Variants in GPM6A observed in about 807,000 individuals in gnomAD.
GPM6A encodes glycoprotein M6A.
In GPM6A, 7 loss-of-function variants were observed where a neutral mutation model predicts 32.1. The ratio of observed to expected loss-of-function variants is 0.22; its 90% CI spans 0.12 to 0.41. The LOEUF is 0.41. Ranked by LOEUF, GPM6A falls within the 10% of genes least tolerant of loss-of-function variation. The probability of loss-of-function intolerance (pLI) is 1.00; values close to 1 mark genes in which losing one functional copy is unlikely to be tolerated. For missense variants in GPM6A, 235 were observed against 347.2 expected (o/e 0.68, Z 2.57); for synonymous variants, 130 against 123.4 (o/e 1.05, Z -0.35).
At position 175,847,391 on chromosome 4, in the gene GPM6A, C is replaced by T. The variant is rs536622499; in HGVS notation, c.-22-35142G>A. On this transcript the variant is annotated intron_variant, in intron 1 of 7. Transcript: ENST00000280187. ...AACACACAATTCATAAGTTTTAAATCGTGCTGTGTTCTGAGTAGTGTAATG... is the reference window on the plus strand; with the variant it reads ...AACACACAATTCATAAGTTTTAAATTGTGCTGTGTTCTGAGTAGTGTAATG... 2.7e-4 allele frequency among the ~76,000 whole-genome samples: 41 copies of T among 152,220 alleles called. 1 individual carries two copies. The South Asian group carries it at 4.4e-3, about 16-fold the overall frequency.
chr4:175,832,529 C>T (rs979391355), intron 1 of GPM6A, among the ~76,000 whole-genome samples: 1 of 151,754 alleles, frequency 6.6e-6, no homozygotes, highest in East Asian at 1.9e-4. Flanking sequence ...TAAACGTTAT[C>T]TACCCACAGG....
intron 1 of GPM6A, among the ~76,000 whole-genome samples, chr4:175,708,294 G>T (rs374178601): frequency 6.6e-6 from 1 of 152,162 alleles, no homozygotes; most frequent in South Asian, 2.1e-4. Flanking sequence ...GAATAACTGT[G>T]ATGACATTTG....
chr4:175,721,080 C>A (rs1746101564), intron 1 of GPM6A, among the ~76,000 whole-genome samples: 1 of 136,376 alleles, frequency 7.3e-6, no homozygotes, highest in Admixed American at 7.7e-5. Context: ...ATTACTTTAG[C>A]TTTTCTAGTA....
At chr4:175,716,077 A>G (rs1745827521) in intron 1 of GPM6A, among the ~76,000 whole-genome samples, 1 of 152,202 alleles carries the variant, frequency 6.6e-6, no homozygotes, top group Non-Finnish European at 1.5e-5. Context: ...ACAAAAAAGA[A>G]TTTGTATTTT....
intron 1 of GPM6A, among the ~76,000 whole-genome samples, chr4:175,778,642 A>G (rs1477928245): frequency 1.3e-5 from 2 of 148,600 alleles, no homozygotes; most frequent in East Asian, 3.9e-4. Context: ...AAAAAAAAAA[A>G]AAAAAAAAGA....
At chr4:175,803,849 A>C (rs1167365320) in intron 1 of GPM6A, among the ~76,000 whole-genome samples, 1 of 152,166 alleles carries the variant, frequency 6.6e-6, no homozygotes, top group Non-Finnish European at 1.5e-5. Context: ...TGGTTTCTGA[A>C]TTCTAGATCT....
At chr4:175,727,098 T>C (rs1486769886) in intron 1 of GPM6A, among the ~76,000 whole-genome samples, 1 of 152,044 alleles carries the variant, frequency 6.6e-6, no homozygotes, top group Non-Finnish European at 1.5e-5. Context: ...AAATTGAAAA[T>C]GGTCAAATTG....
chr4:175,739,286 G>A (rs969295256), intron 1 of GPM6A, among the ~76,000 whole-genome samples: 3 of 152,000 alleles, frequency 2.0e-5, no homozygotes, highest in South Asian at 2.1e-4. Flanking sequence ...TATTTTTGCC[G>A]AAGAAATATA....
At position 175,659,994 on chromosome 4, in the gene GPM6A, G is replaced by A. The variant is rs558469312; in HGVS notation, c.388-8007C>T. On this transcript the variant is annotated intron_variant, in intron 3 of 6. Coordinates refer to ENST00000393658, the MANE Select transcript of GPM6A (RefSeq NM_201591.3). The stretch of plus-strand genomic sequence containing the variant: ...CTGTTCACAATAATACAGTATTGAC[G>A]TTAAATGTCATTTTTAAACTGACAA... Among the ~76,000 whole-genome samples, 28 of 152,164 alleles carry A rather than the reference G, an allele frequency of 1.8e-4. No homozygotes were observed. The South Asian group carries it at 4.6e-3, about 25-fold the overall frequency.
intron 2 of GPM6A, among the ~76,000 whole-genome samples, chr4:175,692,470 C>T (rs1452575215): frequency 1.3e-5 from 2 of 152,190 alleles, no homozygotes; most frequent in East Asian, 1.9e-4. Context: ...TGAACATATG[C>T]TTACAAGCTA....
intron 2 of GPM6A, among the ~76,000 whole-genome samples, chr4:175,700,293 A>G (rs1744806724): frequency 6.6e-6 from 1 of 152,222 alleles, no homozygotes; most frequent in Non-Finnish European, 1.5e-5. Context: ...TTACTTTGAA[A>G]AATACCTTGT....
At chr4:175,685,974 G>T (rs905110976) in intron 2 of GPM6A, among the ~76,000 whole-genome samples, 14 of 151,888 alleles carry the variant, frequency 9.2e-5, no homozygotes, top group African/African-American at 3.1e-4. Context: ...TCAGGAATAG[G>T]CTTAGAAATA....
intron 1 of GPM6A, among the ~76,000 whole-genome samples, chr4:175,938,202 G>A (rs902618143): frequency 1.3e-5 from 2 of 152,092 alleles, no homozygotes; most frequent in African/African-American, 4.8e-5. Context: ...ATAATATTTT[G>A]TACATGTCAA....
intron 1 of GPM6A, among the ~76,000 whole-genome samples, chr4:175,749,619 C>T (rs1732241538): frequency 6.6e-6 from 1 of 152,106 alleles, no homozygotes; most frequent in African/African-American, 2.4e-5. Context: ...CATTTCTCTG[C>T]TCAAATATCG....
chr4:176,000,417 A>T (rs1049789042), intron 1 of GPM6A, among the ~76,000 whole-genome samples: 4 of 152,190 alleles, frequency 2.6e-5, no homozygotes, highest in Non-Finnish European at 5.9e-5. Context: ...ATAATTAGGG[A>T]TGATTGTTAA....
chr4:175,701,523 A>G, intron 2 of GPM6A, 52 bp downstream of exon 2: 1 of 1,294,934 alleles, frequency 7.7e-7, no homozygotes, highest in Non-Finnish European at 1.1e-6. Context: ...TTTAACACAT[A>G]GAAGTGTAAA....
At chr4:175,983,311 C>T (rs973055507) in intron 1 of GPM6A, among the ~76,000 whole-genome samples, 4 of 152,142 alleles carry the variant, frequency 2.6e-5, no homozygotes, top group Admixed American at 6.5e-5. Flanking sequence ...ATGGTGATAA[C>T]GCAGTTGCAC....
At chr4:175,643,794 C>T (rs1741292433) in intron 4 of GPM6A, among the ~76,000 whole-genome samples, 1 of 152,106 alleles carries the variant, frequency 6.6e-6, no homozygotes, top group Non-Finnish European at 1.5e-5. Flanking sequence ...GTTGCAGAAG[C>T]GGGCTCAAGC....
chr4:175,837,979 A>G (rs908950911), intron 1 of GPM6A, among the ~76,000 whole-genome samples: 4 of 151,994 alleles, frequency 2.6e-5, no homozygotes, highest in African/African-American at 9.7e-5. Flanking sequence ...TGCTTTTAAC[A>G]AAAGGAATAT....
Sources: allele counts gnomAD v4.1 joint callset (sites outside exome capture counted in the v4.1 genomes callset), GRCh38; gene constraint gnomAD v4.1.1; transcripts MANE v1.5; gene names NCBI Gene and HGNC (gene_info 2026-07-23, HGNC 2026-07-21).